ANKEF1: variants seen among roughly 807,000 people sequenced by gnomAD.
The protein encoded by ANKEF1 is ankyrin repeat and EF-hand domain containing 1.
Under a neutral mutation model 65.1 loss-of-function variants are expected in ANKEF1, and 43 were observed. The observed-to-expected ratio is 0.66, with a 90% CI of 0.52 to 0.85. The LOEUF is 0.85. Among genes scored for constraint, ANKEF1 ranks in the 40% least tolerant of loss-of-function variants. The pLI is 0.00. For synonymous variants in ANKEF1, 316 were observed against 341.5 expected (o/e 0.93, Z 0.82); for missense variants, 934 against 952.9 (o/e 0.98, Z 0.26).
Position 10,044,401 on chromosome 20 carries a change from G to A in ANKEF1, c.554G>A (p.Gly185Asp). The A allele has an allele frequency of 6.2e-7, 1 of 1,613,922 alleles. No homozygotes were observed. Among genetic ancestry groups the A allele is most frequent in the Non-Finnish European group, 8.5e-7 (1 of 1,179,896 alleles). ...ANPNAINSST[G>D]RTALMEASRE... ...GGACTATTTCATGTCCAGTCCACAG[G>A]CCGCACAGCTTTAATGGAAGCGTCA... The change falls in exon 5 of 11, where the codon GGC becomes GAC. Residue 185 changes from glycine (G) to aspartate (D), a missense_variant. By Grantham distance (94) the Gly-to-Asp change is moderately conservative. Transcript: ENST00000378392.
intron 5 of ANKEF1, 78 bp downstream of exon 5, chr20:10,044,621 A>G (rs997870457): frequency 1.3e-6 from 2 of 1,488,510 alleles, no homozygotes; most frequent in African/African-American, 2.8e-5. Context: ...TATATGTCAT[A>G]TAGAGTACGC....
rs1231160506 is a variant in ANKEF1 at position 10,038,327 on chromosome 20, A to C, written c.26A>C (p.Glu9Ala). The change falls in exon 3 of 11, where the codon GAG (glutamate) becomes GCG (alanine). Residue 9 changes from glutamate (E) to alanine (A), a missense_variant. Coordinates refer to ENST00000378392, the MANE Select transcript of ANKEF1 (RefSeq NM_022096.6). ...ATGGCTTTAGCAGATAAGAGACTTG[A>C]GAACTTACAGATCTACAAAGTTCTT... MALADKRL[E>A]NLQIYKVLQC... 1.3e-6 allele frequency: 2 copies of C among 1,573,880 alleles called. No homozygotes were observed. Among genetic ancestry groups the C allele is most frequent in the Non-Finnish European group, 1.7e-6 (2 of 1,153,486 alleles).
intron 2 of ANKEF1, among the ~76,000 whole-genome samples, 154 bp downstream of exon 2, chr20:10,035,796 C>A (rs976935395): frequency 6.6e-6 from 1 of 152,194 alleles, no homozygotes; most frequent in Non-Finnish European, 1.5e-5. Context: ...CCTTCCTTGT[C>A]GCACAGCCCC....
chr20:10,040,186 C>T (rs1039105309), intron 3 of ANKEF1, among the ~76,000 whole-genome samples: 3 of 152,238 alleles, frequency 2.0e-5, no homozygotes, highest in Non-Finnish European at 4.4e-5. Context: ...CCTCACTCTG[C>T]ATAACCCAAG....
chr20:10,045,690 T>C lies in ANKEF1; in HGVS notation c.813T>C (p.Ala271=). ...TTGCAGACTGCTGTAAATATATAGC[T>C]CAGCGAGGTAAAATTGTCTAGCAAT... ...GGFADCCKYI[A]QRGCDLKWKN... is the part of the protein sequence containing the mutation. Residue 271 remains alanine, a synonymous_variant, in exon 6 of 11, where the codon GCT becomes GCC. Transcript: ENST00000378392. 6.2e-7 allele frequency: 1 copy of C among 1,613,578 alleles called. No homozygotes were observed. The highest frequency in any genetic ancestry group is 8.5e-7 in the Non-Finnish European group (1 of 1,179,632).
Position 10,049,903 on chromosome 20 carries a change from G to C in ANKEF1, c.1334G>C (p.Arg445Pro). Residue 445 changes from arginine to proline, a missense_variant, in exon 7 of 11, where the codon CGC (arginine) becomes CCC (proline). By Grantham distance (103) the Arg-to-Pro change is moderately radical (BLOSUM62 -2). Transcript: ENST00000378392. The stretch of plus-strand genomic sequence containing the variant: ...GTCATTCCTGAGTACGCGTTTCCAC[G>C]CCGGCAGGATGGTGGGCCACCGTAT... ...ICVIPEYAFP[R>P]RQDGGPPYYM... 1.2e-6 allele frequency: 2 copies of C among 1,614,136 alleles called. No individual in the cohort carries two copies. Among genetic ancestry groups the C allele is most frequent in the Non-Finnish European group, 1.7e-6 (2 of 1,180,024 alleles).
chr20:10,050,980 C>T (rs1209323467), intron 7 of ANKEF1, among the ~76,000 whole-genome samples: 1 of 152,152 alleles, frequency 6.6e-6, no homozygotes, highest in Non-Finnish European at 1.5e-5. Context: ...ACAACAATCA[C>T]TCAGGTTTAA....
intron 4 of ANKEF1, 31 bp downstream of exon 4, chr20:10,043,352 C>A: frequency 6.3e-7 from 1 of 1,594,262 alleles, no homozygotes; most frequent in Non-Finnish European, 8.6e-7. Flanking sequence ...ACAAATATTT[C>A]TTGTTTCAAT....
chr20:10,049,587 C>T lies in ANKEF1; in HGVS notation c.1018C>T (p.Leu340Phe), dbSNP rs1206306378. The T allele has an allele frequency of 6.2e-6, 10 of 1,614,012 alleles. No homozygotes were observed. The highest frequency in any genetic ancestry group is 8.5e-6 in the Non-Finnish European group (10 of 1,180,042). Residue 340 changes from leucine (L) to phenylalanine (F), a missense_variant, in exon 7 of 11, where the codon CTC becomes TTC. Coordinates refer to ENST00000378392, the MANE Select transcript of ANKEF1 (RefSeq NM_022096.6). ...TTGGTCCGTAGAACGTGAGGCTTTCCTCCGGGAAGCCTTTGCGGTTTTAGA... is the reference window on the plus strand; with the variant it reads ...TTGGTCCGTAGAACGTGAGGCTTTCTTCCGGGAAGCCTTTGCGGTTTTAGA... ...HDWSVEREAF[L>F]REAFAVLDRG...
chr20:10,049,613 C>CA lies in ANKEF1; in HGVS notation c.1045dup (p.Arg349LysfsTer3). ...TCCGGGAAGCCTTTGCGGTTTTAGA[C>CA]AGGGGTGATGGAAGCATCAGCAAGA... On this transcript the variant is annotated frameshift_variant, in exon 7 of 11. Coordinates refer to ENST00000378392, the MANE Select transcript of ANKEF1 (RefSeq NM_022096.6). LOFTEE classifies it high-confidence loss of function. 1 of 1,614,036 alleles carries CA rather than the reference C, an allele frequency of 6.2e-7. No individual in the cohort carries two copies. The highest frequency in any genetic ancestry group is 8.5e-7 in the Non-Finnish European group (1 of 1,180,012).
rs879863033 is a variant in ANKEF1, at chr20:10,056,824, A to G, written c.*1164A>G. On this transcript the variant is annotated 3_prime_UTR_variant, in exon 11 of 11. Transcript: ENST00000378392. Reference sequence around the variant, plus strand: ...GACTGATGGGATCAGTTTCACCTAGATTATCTAAAGCAGTCTCCTTTACAT... The same window carrying G: ...GACTGATGGGATCAGTTTCACCTAGGTTATCTAAAGCAGTCTCCTTTACAT... 6.6e-6 allele frequency: 1 copy of G among 152,168 alleles called. No homozygotes were observed. Among genetic ancestry groups the G allele is most frequent in the Non-Finnish European group, 1.5e-5 (1 of 68,038 alleles). The allele number at this position is 152,168 out of a possible 1,614,324, so 9.4% of individuals were successfully genotyped here. A position where few individuals can be genotyped will look rare whatever the true frequency, so the allele number is the denominator to read the frequency against.
At chr20:10,054,304 A>G (rs1285776484) in intron 9 of ANKEF1, among the ~76,000 whole-genome samples, 158 bp from the exon 10 acceptor site, 1 of 152,222 alleles carries the variant, frequency 6.6e-6, no homozygotes, top group East Asian at 1.9e-4. Flanking sequence ...CCCCATCCCC[A>G]AAGTTATAAT....
chr20:10,041,534 C>T (rs976428688), intron 3 of ANKEF1, among the ~76,000 whole-genome samples: 2 of 152,026 alleles, frequency 1.3e-5, no homozygotes, highest in Non-Finnish European at 2.9e-5. Context: ...CAATGATTCC[C>T]TTTTAAATAA....
chr20:10,048,131 C>T (rs1984625642), intron 6 of ANKEF1, among the ~76,000 whole-genome samples: 3 of 152,014 alleles, frequency 2.0e-5, no homozygotes, highest in African/African-American at 7.3e-5. Flanking sequence ...TTAAAACTAT[C>T]CAATATAGAA....
In ANKEF1 at chr20:10,038,334, A is replaced by G; in HGVS notation, c.33A>G (p.Leu11=). 6.3e-7 allele frequency: 1 copy of G among 1,584,100 alleles called. No individual in the cohort carries two copies. Among genetic ancestry groups the G allele is most frequent in the Non-Finnish European group, 8.6e-7 (1 of 1,160,234 alleles). Residue 11 remains leucine, a synonymous_variant, in exon 3 of 11, where the codon TTA becomes TTG. Transcript: ENST00000378392. ...TAGCAGATAAGAGACTTGAGAACTTACAGATCTACAAAGTTCTTCAATGTG... is the reference window on the plus strand; with the variant it reads ...TAGCAGATAAGAGACTTGAGAACTTGCAGATCTACAAAGTTCTTCAATGTG... MALADKRLEN[L]QIYKVLQCVR... is the part of the protein sequence containing the mutation.
intron 3 of ANKEF1, among the ~76,000 whole-genome samples, chr20:10,040,209 G>T (rs1389819988): frequency 6.6e-6 from 1 of 152,212 alleles, no homozygotes; most frequent in Non-Finnish European, 1.5e-5. Context: ...AGTGCCCATT[G>T]TACAGAGTAC....
At chr20:10,050,361 C>A in intron 7 of ANKEF1, 149 bp downstream of exon 7, 1 of 589,256 alleles carries the variant, frequency 1.7e-6, no homozygotes, top group Non-Finnish European at 2.9e-6. Flanking sequence ...CTTTTATTAA[C>A]AATTAACTTA....
chr20:10,054,065 T>C (rs1044148083), intron 9 of ANKEF1, among the ~76,000 whole-genome samples: 3 of 152,062 alleles, frequency 2.0e-5, no homozygotes, highest in African/African-American at 4.8e-5. Flanking sequence ...TTGGAAAGCA[T>C]TGGGGAAATG....
chr20:10,043,178 G>A lies in ANKEF1; in HGVS notation c.403G>A (p.Ala135Thr), dbSNP rs144052434. The A allele has an allele frequency of 1.1e-5, 18 of 1,613,848 alleles. No homozygotes were observed. Among genetic ancestry groups the A allele is most frequent in the African/African-American group, 1.3e-5 (1 of 74,836 alleles). ...TKRHYRCALIALEHGADVNNS... is the reference protein window; with the variant it reads ...TKRHYRCALITLEHGADVNNS... ...GCGGCATTATCGCTGTGCTCTGATC[G>A]CCCTTGAACATGGTGCAGATGTCAA... The change falls in exon 4 of 11, where the codon GCC becomes ACC. Residue 135 changes from alanine (A) to threonine (T), a missense_variant. Ala to Thr is a moderately conservative substitution (Grantham distance 58). Coordinates refer to ENST00000378392, the MANE Select transcript of ANKEF1 (RefSeq NM_022096.6).
Sources: gnomAD v4.1 joint callset for allele counts (sites outside exome capture counted in the v4.1 genomes callset) on GRCh38, gnomAD v4.1.1 for gene constraint, MANE v1.5 for transcripts, NCBI Gene and HGNC (gene_info 2026-07-23, HGNC 2026-07-21) for gene names.